Variants in SLC8A2 observed in about 807,000 individuals in gnomAD.
The protein encoded by SLC8A2 is solute carrier family 8 member A2.
In SLC8A2, 14 loss-of-function variants were observed where a neutral mutation model predicts 70.2. The observed-to-expected ratio is 0.20, with a 90% confidence interval of 0.13 to 0.31. The LOEUF (loss-of-function observed/expected upper bound fraction) is 0.31. Ranked by LOEUF, SLC8A2 falls within the 10% of genes least tolerant of loss-of-function variation. SLC8A2 has a pLI of 1.00. For synonymous variants in SLC8A2, 575 were observed against 594.3 expected (o/e 0.97, Z 0.47); for missense variants, 779 against 1,320.1 (o/e 0.59, Z 6.35).
In SLC8A2 at chr19:47,431,656, C is replaced by A. The variant is rs560902166; in HGVS notation, c.2389+511G>T. On this transcript the variant is annotated intron_variant, in intron 9 of 9. Transcript: ENST00000236877. ...GACAGAGCGAGACTCTGTCCCCACA[C>A]CAAAAAAAAAAAAAAAAAAAAAAAC... 8.0e-3 allele frequency among the ~76,000 whole-genome samples: 499 copies of A among 62,224 alleles called. 2 individuals are homozygous for A. Among genetic ancestry groups the A allele is most frequent in the South Asian group, 0.024 (37 of 1,558 alleles). 40.8% of individuals were successfully genotyped at this position (62,224 alleles called of 152,430 possible).
chr19:47,463,073 C>G (rs760614036), intron 2 of SLC8A2, among the ~76,000 whole-genome samples: 1 of 152,018 alleles, frequency 6.6e-6, no homozygotes, highest in Admixed American at 6.5e-5. Context: ...GCTCCCTTGT[C>G]ATGAGGGTAG....
chr19:47,431,307 AGTGCT>A (rs986665874), intron 9 of SLC8A2, among the ~76,000 whole-genome samples: 153 of 151,994 alleles, frequency 1.0e-3, no homozygotes, highest in African/African-American at 3.4e-3. Context: ...TGCCTCCCAA[AGTGCT>A]GGCGTGAGCC....
intron 8 of SLC8A2, among the ~76,000 whole-genome samples, chr19:47,435,550 G>GT (rs895524785): frequency 0.14 from 18,233 of 133,228 alleles, 1,370 homozygotes; most frequent in African/African-American, 0.18. Context: ...TCTTTTCTTC[G>GT]TTTTTTTTTT....
At chr19:47,453,523 G>C (rs955795137) in intron 3 of SLC8A2, among the ~76,000 whole-genome samples, 5 of 152,174 alleles carry the variant, frequency 3.3e-5, no homozygotes, top group African/African-American at 1.2e-4. Context: ...TCCAGGATAG[G>C]AAATCAAGGA....
chr19:47,430,253 C>T lies in SLC8A2; in HGVS notation c.2602G>A (p.Val868Met). ...SVTLFTVFAF[V>M]GIAVLLYRRR... is the part of the protein sequence containing the mutation. The stretch of plus-strand genomic sequence containing the variant: ...CGGTACAGCAGCACGGCAATGCCCA[C>T]GAAGGCGAAGACGGTGAAGAGCGTG... Residue 868 changes from valine to methionine, a missense_variant, in exon 10 of 10, where the codon GTG becomes ATG. Val to Met is a conservative substitution (Grantham distance 21, BLOSUM62 1). Around this residue, in one of 6 missense-constraint regions of SLC8A2, gnomAD observed 108 missense variants for 269.6 expected, o/e 0.40. Coordinates refer to ENST00000236877, the MANE Select transcript of SLC8A2 (RefSeq NM_015063.3). The surrounding 1 kb of genome is among the most constrained non-coding windows in gnomAD (Gnocchi z 5.9). 2 of 1,612,142 alleles carry T rather than the reference C, an allele frequency of 1.2e-6. No individual in the cohort carries two copies. The highest frequency in any genetic ancestry group is 1.7e-6 in the Non-Finnish European group (2 of 1,179,122).
chr19:47,457,311 T>C lies in SLC8A2; in HGVS notation c.959A>G (p.Lys320Arg), dbSNP rs1226182977. 1.3e-6 allele frequency: 2 copies of C among 1,545,182 alleles called. No homozygotes were observed. Among genetic ancestry groups the C allele is most frequent in the Non-Finnish European group, 1.7e-6 (2 of 1,145,022 alleles). The change falls in exon 3 of 10, where the codon AAG (lysine) becomes AGG (arginine). Residue 320 changes from lysine (K) to arginine (R), a missense_variant. Coordinates refer to ENST00000236877, the MANE Select transcript of SLC8A2 (RefSeq NM_015063.3). ...ASRREVIQIL[K>R]DLKQKHPDKD... ...GTCCGGGTGCTTCTGCTTGAGGTCC[T>C]TGAGGATCTGGATGACCTCGCGGCG...
In SLC8A2 at chr19:47,441,106, C is replaced by A; in HGVS notation, c.1885+63G>T. ...GGAAGAGTAGCTTTGGGGCTGGGAC[C>A]CTCCCCCAGGCCCTCTTCCAGTGGC... is the stretch of plus-strand genomic sequence containing the variant. On this transcript the variant is annotated intron_variant, in intron 6 of 9. Transcript: ENST00000236877. The A allele has an allele frequency of 1.3e-6, 2 of 1,517,068 alleles. 1 individual carries two copies. Among genetic ancestry groups the A allele is most frequent in the South Asian group, 2.2e-5 (2 of 88,922 alleles). 94.0% of individuals were successfully genotyped at this position (1,517,068 alleles called of 1,614,324 possible). A position where few individuals can be genotyped will look rare whatever the true frequency, so the allele number is the denominator to read the frequency against.
chr19:47,467,898 T>C (rs1056638595), intron 1 of SLC8A2, among the ~76,000 whole-genome samples: 1 of 149,916 alleles, frequency 6.7e-6, no homozygotes, highest in African/African-American at 2.5e-5. Flanking sequence ...TCTCAGCACT[T>C]GGGAGGCTGA....
chr19:47,455,135 GAGAGGGGAGAGA>G (rs1297045974), intron 3 of SLC8A2, among the ~76,000 whole-genome samples: 9 of 152,056 alleles, frequency 5.9e-5, no homozygotes, highest in South Asian at 2.1e-4. Context: ...AGAGAGAGGA[GAGAGGGGAGAGA>G]AGAGGTGAGA....
At chr19:47,449,811 G>A (rs1967213583) in intron 3 of SLC8A2, among the ~76,000 whole-genome samples, 1 of 152,118 alleles carries the variant, frequency 6.6e-6, no homozygotes, top group African/African-American at 2.4e-5. Context: ...AGTGGGAACG[G>A]GGGCAGATCA....
At position 47,429,021 on chromosome 19, in the gene SLC8A2, C is replaced by T. The variant is rs1456574865; in HGVS notation, c.*1068G>A. On this transcript the variant is annotated 3_prime_UTR_variant, in exon 10 of 10. Transcript: ENST00000236877. ...CCATCCCCCCACCCATCCCCACCCC[C>T]CATCAGGCAGAGATGTGGCAGCATT... The T allele has an allele frequency of 1.3e-5, 2 of 151,410 alleles. No individual in the cohort carries two copies. The highest frequency in any genetic ancestry group is 4.9e-5 in the African/African-American group (2 of 40,936). The allele number at this position is 151,410 out of a possible 1,614,324, so 9.4% of individuals were successfully genotyped here. A position where few individuals can be genotyped will look rare whatever the true frequency, so the allele number is the denominator to read the frequency against.
At chr19:47,439,786 C>G (rs1017185421) in intron 6 of SLC8A2, among the ~76,000 whole-genome samples, 1 of 152,012 alleles carries the variant, frequency 6.6e-6, no homozygotes, top group African/African-American at 2.4e-5. Flanking sequence ...GCCTTAGGCT[C>G]CTGAGTAGGT....
At chr19:47,460,685 A>T (rs1287852230) in intron 2 of SLC8A2, among the ~76,000 whole-genome samples, 1 of 150,544 alleles carries the variant, frequency 6.6e-6, no homozygotes, top group Non-Finnish European at 1.5e-5. Flanking sequence ...TGACAGAATG[A>T]GACTCCATCT....
At chr19:47,439,930 C>G (rs1158429326) in intron 6 of SLC8A2, among the ~76,000 whole-genome samples, 1 of 152,200 alleles carries the variant, frequency 6.6e-6, no homozygotes, top group East Asian at 1.9e-4. Flanking sequence ...TCTCAAAGTG[C>G]TGGGATTACA....
intron 2 of SLC8A2, among the ~76,000 whole-genome samples, chr19:47,461,168 G>A (rs1331651922): frequency 2.6e-5 from 4 of 151,170 alleles, no homozygotes; most frequent in East Asian, 1.9e-4. Flanking sequence ...CCAGCCTGGC[G>A]ACCGAGCGAG....
intron 2 of SLC8A2, 124 bp from the exon 3 acceptor site, chr19:47,457,718 G>A: frequency 2.0e-6 from 1 of 504,646 alleles, no homozygotes; most frequent in South Asian, 3.0e-5. Context: ...ACCCCGCCCC[G>A]TCGTCTCTCC....
intron 2 of SLC8A2, 92 bp from the exon 3 acceptor site, chr19:47,457,686 T>A (rs1242837695): frequency 2.6e-6 from 2 of 777,838 alleles, no homozygotes; most frequent in Non-Finnish European, 3.9e-6. Context: ...CTGCCACTCC[T>A]CATCTCTCTC....
Position 47,457,306 on chromosome 19 carries a change from G to C in SLC8A2, c.964C>G (p.Leu322Val). The change falls in exon 3 of 10, where the codon CTC becomes GTC. Residue 322 changes from leucine to valine, a missense_variant. Transcript: ENST00000236877. ...TCCTTGTCCGGGTGCTTCTGCTTGAGGTCCTTGAGGATCTGGATGACCTCG... is the reference window on the plus strand; with the variant it reads ...TCCTTGTCCGGGTGCTTCTGCTTGACGTCCTTGAGGATCTGGATGACCTCG... ...RREVIQILKD[L>V]KQKHPDKDLE... The C allele has an allele frequency of 6.5e-7, 1 of 1,545,414 alleles. No homozygotes were observed. Among genetic ancestry groups the C allele is most frequent in the Non-Finnish European group, 8.7e-7 (1 of 1,145,122 alleles).
chr19:47,462,789 T>C (rs34995200), intron 2 of SLC8A2, among the ~76,000 whole-genome samples: 1,558 of 152,076 alleles, frequency 0.01, 11 homozygotes, highest in Non-Finnish European at 0.015. Context: ...AGTTTCACCA[T>C]GTCGGTCAGG....
Sources: allele counts gnomAD v4.1 joint callset (sites outside exome capture counted in the v4.1 genomes callset), GRCh38; gene constraint gnomAD v4.1.1; regional missense constraint gnomAD v4.1.1; non-coding constraint Gnocchi (gnomAD v3.1); transcripts MANE v1.5; gene names NCBI Gene and HGNC (gene_info 2026-07-23, HGNC 2026-07-21).